TMEM178B: variants seen among roughly 807,000 people sequenced by gnomAD.
TMEM178B encodes transmembrane protein 178B.
TMEM178B carries 5 observed loss-of-function variants against 31.0 expected under a neutral mutation model. That is an observed-to-expected ratio of 0.16 (90% CI 0.08 to 0.34). The LOEUF is 0.34. Among genes scored for constraint, TMEM178B ranks in the 10% least tolerant of loss-of-function variants. The probability of loss-of-function intolerance (pLI) is 1.00; values close to 1 mark genes in which losing one functional copy is unlikely to be tolerated. For missense variants in TMEM178B, 275 were observed against 400.3 expected (o/e 0.69, Z 2.67); for synonymous variants, 164 against 164.0 (o/e 1.00, Z 0.00).
intron 2 of TMEM178B, among the ~76,000 whole-genome samples, chr7:141,292,572 C>T (rs963144992): frequency 6.6e-6 from 1 of 151,970 alleles, no homozygotes; most frequent in Non-Finnish European, 1.5e-5. Flanking sequence ...AATATCCTTC[C>T]AGCTTCTTCC....
chr7:141,204,182 G>C (rs1796924864), intron 1 of TMEM178B, among the ~76,000 whole-genome samples: 1 of 152,242 alleles, frequency 6.6e-6, no homozygotes, highest in African/African-American at 2.4e-5. Context: ...GCAGGAGCTG[G>C]AAGCGTGAGA....
At chr7:141,456,124 G>A (rs1432462077) in intron 3 of TMEM178B, among the ~76,000 whole-genome samples, 1 of 152,208 alleles carries the variant, frequency 6.6e-6, no homozygotes, top group Non-Finnish European at 1.5e-5. Flanking sequence ...TTCTGTGCAT[G>A]TCAGGAGGTG....
intron 2 of TMEM178B, among the ~76,000 whole-genome samples, chr7:141,306,669 C>G (rs1452988677): frequency 6.8e-6 from 1 of 148,076 alleles, no homozygotes; most frequent in East Asian, 2.0e-4. Context: ...TAAGGCTGTT[C>G]CAGTCCACCT....
At position 141,180,252 on chromosome 7, in the gene TMEM178B, A is replaced by C. The variant is rs913040005; in HGVS notation, c.383-32339A>C. Among the ~76,000 whole-genome samples the C allele has an allele frequency of 3.3e-5, 5 of 152,228 alleles. No individual in the cohort carries two copies. In the South Asian group the frequency reaches 1.0e-3, roughly 32 times the overall value. ...TTCCAGCACAGGCTGAGGCTGGTCG[A>C]TCACCTGAGGTCAGGAGTTTGAGAC... On this transcript the variant is annotated intron_variant, in intron 1 of 3. Transcript: ENST00000565468.
intron 1 of TMEM178B, among the ~76,000 whole-genome samples, chr7:141,168,200 A>T (rs1563106016): frequency 1.3e-5 from 2 of 152,048 alleles, no homozygotes; most frequent in East Asian, 3.9e-4. Context: ...CTCTTTTCTA[A>T]TCCAAAGATC....
At chr7:141,310,837 G>A (rs537756662) in intron 2 of TMEM178B, among the ~76,000 whole-genome samples, 2 of 152,190 alleles carry the variant, frequency 1.3e-5, no homozygotes, top group Non-Finnish European at 2.9e-5. Flanking sequence ...CTATTATAAA[G>A]ATACATGCAC....
intron 1 of TMEM178B, among the ~76,000 whole-genome samples, chr7:141,129,521 G>A (rs1026619047): frequency 6.6e-6 from 1 of 152,128 alleles, no homozygotes; most frequent in African/African-American, 2.4e-5. Flanking sequence ...GCATTCCCTT[G>A]TGGATCCTTC....
intron 2 of TMEM178B, among the ~76,000 whole-genome samples, chr7:141,293,827 A>T (rs1798587165): frequency 6.6e-6 from 1 of 152,236 alleles, no homozygotes; most frequent in Non-Finnish European, 1.5e-5. Context: ...TGGCATGTAG[A>T]GAGTGAGTAG....
intron 1 of TMEM178B, among the ~76,000 whole-genome samples, chr7:141,195,970 A>T (rs780673749): frequency 1.3e-5 from 2 of 152,178 alleles, no homozygotes; most frequent in East Asian, 3.8e-4. Context: ...CCATGATTCA[A>T]TTACCTCCCC....
At chr7:141,205,697 G>C (rs923546697) in intron 1 of TMEM178B, among the ~76,000 whole-genome samples, 1 of 152,212 alleles carries the variant, frequency 6.6e-6, no homozygotes, top group South Asian at 2.1e-4. Flanking sequence ...CTGAACTTAG[G>C]TCCCAGCACT....
At chr7:141,210,378 G>A (rs2129187557) in intron 1 of TMEM178B, among the ~76,000 whole-genome samples, 1 of 152,230 alleles carries the variant, frequency 6.6e-6, no homozygotes, top group African/African-American at 2.4e-5. Context: ...CAGGAGAATT[G>A]CTTGAACCCG....
intron 2 of TMEM178B, among the ~76,000 whole-genome samples, chr7:141,285,873 A>T (rs1173257856): frequency 6.6e-6 from 1 of 152,184 alleles, no homozygotes; most frequent in Non-Finnish European, 1.5e-5. Flanking sequence ...GTTCTCACTC[A>T]TAAGTGGGAG....
intron 2 of TMEM178B, among the ~76,000 whole-genome samples, chr7:141,283,447 A>C (rs1417036703): frequency 6.6e-6 from 1 of 152,128 alleles, no homozygotes; most frequent in Non-Finnish European, 1.5e-5. Flanking sequence ...TTAAACATTT[A>C]CCATCCTGTG....
intron 2 of TMEM178B, among the ~76,000 whole-genome samples, chr7:141,286,172 A>T (rs1798445048): frequency 6.6e-6 from 1 of 152,246 alleles, no homozygotes; most frequent in Non-Finnish European, 1.5e-5. Context: ...ATCATAAATT[A>T]TCAAGATAAC....
intron 1 of TMEM178B, among the ~76,000 whole-genome samples, chr7:141,156,956 A>G (rs1796079888): frequency 6.6e-6 from 1 of 152,170 alleles, no homozygotes; most frequent in African/African-American, 2.4e-5. Context: ...AATGCTGCTG[A>G]TCTAAGCTGG....
At chr7:141,510,115 C>T in the TMEM178B span, among the ~76,000 whole-genome samples, 1 of 152,274 alleles carries the variant, frequency 6.6e-6, no homozygotes, top group South Asian at 2.1e-4. Context: ...TGGGACTTGG[C>T]AACAGAGGAT....
chr7:141,258,823 A>G (rs1797969930), intron 2 of TMEM178B, among the ~76,000 whole-genome samples: 1 of 152,218 alleles, frequency 6.6e-6, no homozygotes, highest in South Asian at 2.1e-4. Flanking sequence ...ATAAGAAGTC[A>G]ACTGTTAATC....
intron 2 of TMEM178B, among the ~76,000 whole-genome samples, chr7:141,255,926 G>A (rs1797919764): frequency 1.3e-5 from 2 of 152,080 alleles, no homozygotes; most frequent in African/African-American, 4.8e-5. Flanking sequence ...CTCTGCTGAG[G>A]ATACTTACAT....
At chr7:141,257,751 A>G (rs1797950793) in intron 2 of TMEM178B, among the ~76,000 whole-genome samples, 1 of 151,632 alleles carries the variant, frequency 6.6e-6, no homozygotes, top group Non-Finnish European at 1.5e-5. Context: ...TTAAATTTTT[A>G]TTTATTTATT....
Sources: gnomAD v4.1 joint callset for allele counts (sites outside exome capture counted in the v4.1 genomes callset) on GRCh38, gnomAD v4.1.1 for gene constraint, MANE v1.5 for transcripts, NCBI Gene and HGNC (gene_info 2026-07-23, HGNC 2026-07-21) for gene names.